Variants in SAP130 observed in about 807,000 individuals in gnomAD.
SAP130 encodes Sin3A associated protein 130.
In SAP130, 16 loss-of-function variants were observed where a neutral mutation model predicts 103.2. The observed-to-expected ratio is 0.16, with a 90% CI of 0.10 to 0.24. The LOEUF is 0.24. Ranked by LOEUF, SAP130 falls within the 10% of genes least tolerant of loss-of-function variation. SAP130 has a pLI of 1.00. For missense variants in SAP130, 990 were observed against 1,359.7 expected (o/e 0.73, Z 4.28); for synonymous variants, 477 against 497.0 (o/e 0.96, Z 0.53).
chr2:127,955,015 T>C lies in SAP130; in HGVS notation c.2393A>G (p.Glu798Gly). 1 of 1,613,386 alleles carries C rather than the reference T, an allele frequency of 6.2e-7. No individual in the cohort carries two copies. Among genetic ancestry groups the C allele is most frequent in the Non-Finnish European group, 8.5e-7 (1 of 1,179,524 alleles). The change falls in exon 16 of 21, where the codon GAA (glutamate) becomes GGA (glycine). Residue 798 changes from glutamate (E) to glycine (G), a missense_variant. Glu to Gly is a moderately conservative substitution (Grantham distance 98). Around this residue, in one of 6 missense-constraint regions of SAP130, gnomAD observed 349 missense variants for 384.1 expected, o/e 0.91. Coordinates refer to ENST00000643581, the MANE Select transcript of SAP130 (RefSeq NM_001330301.2). The surrounding 1 kb of genome is among the most constrained non-coding windows in gnomAD (Gnocchi z 4.9). ...VPEIKVKEEV[E>G]PMDIMRPVSA... The stretch of plus-strand genomic sequence containing the variant: ...AACTGGCCTCATGATATCCATTGGT[T>C]CTACTTCTTCTTTCACTTTAATTTC...
chr2:127,958,378 C>T (rs1456701530), intron 15 of SAP130, among the ~76,000 whole-genome samples: 1 of 152,232 alleles, frequency 6.6e-6, no homozygotes, highest in East Asian at 1.9e-4. Flanking sequence ...CATGCCACTG[C>T]ACTCCAGCCT....
chr2:127,948,865 C>T (rs1559030110), intron 18 of SAP130, among the ~76,000 whole-genome samples: 1 of 152,096 alleles, frequency 6.6e-6, no homozygotes, highest in Non-Finnish European at 1.5e-5. Flanking sequence ...AGCATTTAGA[C>T]TCTTGTAGTG....
Position 128,017,895 on chromosome 2 carries a change from C to G in SAP130, c.133G>C (p.Asp45His). The change falls in exon 3 of 21, where the codon GAT becomes CAT. Residue 45 changes from aspartate to histidine, a missense_variant. Around this residue, in one of 6 missense-constraint regions of SAP130, gnomAD observed 167 missense variants for 187.4 expected, o/e 0.89. Transcript: ENST00000643581. Reference protein sequence around the residue: ...AATVNDESGRDSEVSAREHMS... With the variant: ...AATVNDESGRHSEVSAREHMS... Reference sequence around the variant, plus strand: ...TGCTCCCTGGCACTGACTTCAGAATCTCGACCAGATTCATCATTGACTAGT... The same window carrying G: ...TGCTCCCTGGCACTGACTTCAGAATGTCGACCAGATTCATCATTGACTAGT... The G allele has an allele frequency of 6.2e-7, 1 of 1,614,158 alleles. No homozygotes were observed. The highest frequency in any genetic ancestry group is 8.5e-7 in the Non-Finnish European group (1 of 1,180,020).
intron 4 of SAP130, among the ~76,000 whole-genome samples, chr2:128,015,841 T>A (rs959409653): frequency 1.3e-5 from 2 of 150,280 alleles, no homozygotes; most frequent in Non-Finnish European, 2.9e-5. Flanking sequence ...CTCGGGAGGC[T>A]GAGGCAAGAG....
intron 7 of SAP130, among the ~76,000 whole-genome samples, chr2:128,006,097 A>C (rs1393422461): frequency 1.3e-5 from 2 of 152,204 alleles, no homozygotes; most frequent in Admixed American, 6.5e-5. Flanking sequence ...TAAAAAAAAA[A>C]AAAACAGACT....
chr2:127,974,242 C>T (rs1347946303), intron 15 of SAP130, among the ~76,000 whole-genome samples: 2 of 152,144 alleles, frequency 1.3e-5, no homozygotes, highest in East Asian at 1.9e-4. Flanking sequence ...CCTTAACCCT[C>T]CAATGGCTCT....
intron 11 of SAP130, among the ~76,000 whole-genome samples, chr2:127,993,921 C>T (rs779929093): frequency 6.6e-5 from 10 of 152,042 alleles, no homozygotes; most frequent in Non-Finnish European, 1.3e-4. Flanking sequence ...TACCTGGCTC[C>T]TAGTTTAGTT....
chr2:127,996,259 G>T lies in SAP130; in HGVS notation c.1355+91C>A. ...TCTGAAAACATGAGTAATAAATATA[G>T]GCCATATTTGTGGGACACTTTGTTT... On this transcript the variant is annotated intron_variant, in intron 11 of 20. Transcript: ENST00000643581. The surrounding 1 kb of genome is among the most constrained non-coding windows in gnomAD (Gnocchi z 4.3). The T allele has an allele frequency of 1.7e-6, 2 of 1,156,866 alleles. No individual in the cohort carries two copies. Among genetic ancestry groups the T allele is most frequent in the Non-Finnish European group, 2.3e-6 (2 of 869,988 alleles). The allele number at this position is 1,156,866 out of a possible 1,614,324, so 71.7% of individuals were successfully genotyped here.
chr2:128,000,325 C>A lies in SAP130; in HGVS notation c.999G>T (p.Gln333His). 1 of 1,614,194 alleles carries A rather than the reference C, an allele frequency of 6.2e-7. No individual in the cohort carries two copies. The highest frequency in any genetic ancestry group is 8.5e-7 in the Non-Finnish European group (1 of 1,180,034). Residue 333 changes from glutamine (Q) to histidine (H), a missense_variant, in exon 8 of 21, where the codon CAG (glutamine) becomes CAT (histidine). Around this residue, in one of 6 missense-constraint regions of SAP130, gnomAD observed 336 missense variants for 520.1 expected, o/e 0.65. Transcript: ENST00000643581. ...GTTTTACCTGAGCCATTGTATGAAG[C>A]TGCTGTTTTGGCGTCCCTAATGCAG... The part of the protein sequence containing the change: ...SHPALGTPKQ[Q>H]LHTMAQKTIF...
chr2:127,978,541 G>T (rs148452022), intron 14 of SAP130, among the ~76,000 whole-genome samples: 78 of 152,344 alleles, frequency 5.1e-4, no homozygotes, highest in African/African-American at 1.7e-3. Flanking sequence ...CTGTGCAGCA[G>T]AGAGGCCACG....
chr2:128,027,100 G>T (rs770210922), intron 1 of SAP130: 3 of 1,414,672 alleles, frequency 2.1e-6, no homozygotes, highest in Non-Finnish European at 2.8e-6. Flanking sequence ...ACCTGTAGCC[G>T]CCGCCCGCCG....
rs139292087 is a variant in SAP130, at chr2:128,026,251, G to C, written c.42C>G (p.Thr14=). ...QQFPRLGAPS[T]GLSQAPSQIA... ...TCTGAGAAGGGGCCTGGCTCAGCCC[G>C]GTAGAAGGGGCTCCTAACCGAGGAA... The change falls in exon 2 of 21, where the codon ACC becomes ACG. Residue 14 remains threonine (T), a synonymous_variant. Transcript: ENST00000643581. The C allele has an allele frequency of 6.2e-7, 1 of 1,614,082 alleles. No individual in the cohort carries two copies. The highest frequency in any genetic ancestry group is 8.5e-7 in the Non-Finnish European group (1 of 1,179,974).
chr2:128,012,763 T>A (rs952927986), intron 6 of SAP130, among the ~76,000 whole-genome samples: 2 of 151,796 alleles, frequency 1.3e-5, no homozygotes, highest in African/African-American at 4.8e-5. Context: ...TCTACAACCA[T>A]CACTCCCTTC....
intron 2 of SAP130, among the ~76,000 whole-genome samples, chr2:128,024,075 G>T (rs944173532): frequency 2.6e-5 from 4 of 152,164 alleles, no homozygotes; most frequent in African/African-American, 9.6e-5. Flanking sequence ...GTGAAATTGG[G>T]AATTTTTTAA....
chr2:127,948,578 G>C (rs1011160676), intron 18 of SAP130, among the ~76,000 whole-genome samples: 1 of 151,902 alleles, frequency 6.6e-6, no homozygotes, highest in Admixed American at 6.6e-5. Flanking sequence ...CTGACCTCCA[G>C]TGATCCGCCC....
chr2:127,978,930 G>T (rs1681664973), intron 14 of SAP130, among the ~76,000 whole-genome samples: 1 of 152,184 alleles, frequency 6.6e-6, no homozygotes, highest in Non-Finnish European at 1.5e-5. Context: ...TACTCTACGG[G>T]TGCAGTCAGT....
chr2:128,006,569 G>GTT (rs1683987650), intron 7 of SAP130, among the ~76,000 whole-genome samples: 1 of 152,154 alleles, frequency 6.6e-6, no homozygotes, highest in Non-Finnish European at 1.5e-5. Context: ...GAGCCCAGGA[G>GTT]TTTGACACCA....
chr2:127,982,324 A>C (rs1443403187), intron 14 of SAP130, among the ~76,000 whole-genome samples: 1 of 152,204 alleles, frequency 6.6e-6, no homozygotes, highest in Admixed American at 6.5e-5. Flanking sequence ...GGGGAGAAGA[A>C]CTAGAGCATC....
chr2:127,958,309 G>A lies in SAP130; in HGVS notation c.2064-2965C>T, dbSNP rs1020938037. Among the ~76,000 whole-genome samples the A allele has an allele frequency of 2.0e-5, 3 of 152,324 alleles. No individual in the cohort carries two copies. In the East Asian group the frequency reaches 5.8e-4, roughly 29 times the overall value. On this transcript the variant is annotated intron_variant, in intron 15 of 20. Transcript: ENST00000643581. ...AGCGCCTGTAATCCCAGCTACTCAG[G>A]AGGCTGAGGCAGAAGAATCGCTTGA...
Sources: gnomAD v4.1 joint callset for allele counts (sites outside exome capture counted in the v4.1 genomes callset) on GRCh38, gnomAD v4.1.1 for gene constraint, gnomAD v4.1.1 regional missense constraint, Gnocchi (gnomAD v3.1) non-coding constraint, MANE v1.5 for transcripts, NCBI Gene and HGNC (gene_info 2026-07-23, HGNC 2026-07-21) for gene names.